Variants in HS3ST1 observed in about 807,000 individuals in gnomAD.
The protein encoded by HS3ST1 is heparan sulfate-glucosamine 3-sulfotransferase 1, also known as heparan sulfate glucosamine 3-O-sulfotransferase 1.
Under a neutral mutation model 20.7 loss-of-function variants are expected in HS3ST1, and 8 were observed. The observed-to-expected ratio is 0.39, with a 90% CI of 0.23 to 0.70. The LOEUF (loss-of-function observed/expected upper bound fraction) is 0.70, where lower values mean the gene tolerates loss of function less well. HS3ST1 is among the 30% of genes least tolerant of loss of function. The pLI is 0.46. For missense variants in HS3ST1, 436 were observed against 423.4 expected (o/e 1.03, Z -0.26); for synonymous variants, 205 against 190.4 (o/e 1.08, Z -0.63).
chr4:11,417,925 A>G (rs889410373), intron 1 of HS3ST1, among the ~76,000 whole-genome samples: 1 of 152,216 alleles, frequency 6.6e-6, no homozygotes, highest in Non-Finnish European at 1.5e-5. Context: ...CAGAGTTACC[A>G]TATTCGATTC....
chr4:11,394,606 T>G lies in HS3ST1; in HGVS notation c.*4476A>C, dbSNP rs1718088024. 6.6e-6 allele frequency: 1 copy of G among 152,242 alleles called. No individual in the cohort carries two copies. The highest frequency in any genetic ancestry group is 6.5e-5 in the Admixed American group (1 of 15,284). 9.4% of individuals were successfully genotyped at this position (152,242 alleles called of 1,614,324 possible). A position where few individuals can be genotyped will look rare whatever the true frequency, so the allele number is the denominator to read the frequency against. On this transcript the variant is annotated 3_prime_UTR_variant, in exon 2 of 2. Coordinates refer to ENST00000002596, the MANE Select transcript of HS3ST1 (RefSeq NM_005114.4). ...CTTGAAGGTAATCTTGATATCACCC[T>G]AACTGTCCAACTCCAAATCCTAGAT...
rs567561454 is a variant in HS3ST1, at chr4:11,395,359, A to T, written c.*3723T>A. The T allele has an allele frequency of 7.2e-5, 11 of 151,754 alleles. No individual in the cohort carries two copies. The highest frequency in any genetic ancestry group is 1.2e-4 in the Non-Finnish European group (8 of 67,976). The allele number at this position is 151,754 out of a possible 1,614,324, so 9.4% of individuals were successfully genotyped here. A position where few individuals can be genotyped will look rare whatever the true frequency, so the allele number is the denominator to read the frequency against. ...TTTTCACCTTCTTTTGTGATTTGTGATGTCAACATTTTCCATTTCTGGACT... is the reference window on the plus strand; with the variant it reads ...TTTTCACCTTCTTTTGTGATTTGTGTTGTCAACATTTTCCATTTCTGGACT... On this transcript the variant is annotated 3_prime_UTR_variant, in exon 2 of 2. Transcript: ENST00000002596.
Position 11,399,114 on chromosome 4 carries a change from C to G in HS3ST1, c.892G>C (p.Glu298Gln), listed in dbSNP as rs1034202294. 1 of 1,613,610 alleles carries G rather than the reference C, an allele frequency of 6.2e-7. No individual in the cohort carries two copies. Among genetic ancestry groups the G allele is most frequent in the Non-Finnish European group, 8.5e-7 (1 of 1,179,650 alleles). ...YFHEPNKKFF[E>Q]LVGRTFDWH ...CAGTCAAATGTTCTGCCAACAAGCTCGAAGAACTTCTTATTTGGCTCATGA... is the reference window on the plus strand; with the variant it reads ...CAGTCAAATGTTCTGCCAACAAGCTGGAAGAACTTCTTATTTGGCTCATGA... The change falls in exon 2 of 2, where the codon GAG becomes CAG. Residue 298 changes from glutamate (E) to glutamine (Q), a missense_variant. Physicochemically the swap from Glu to Gln is conservative, Grantham distance 29. Transcript: ENST00000002596. This position sits in a 1 kb window ranked among gnomAD's most constrained non-coding sequence, Gnocchi z 5.1.
rs1414348069 is a variant in HS3ST1 at position 11,397,139 on chromosome 4, C to G, written c.*1943G>C. On this transcript the variant is annotated 3_prime_UTR_variant, in exon 2 of 2. Coordinates refer to ENST00000002596, the MANE Select transcript of HS3ST1 (RefSeq NM_005114.4). ...TCAAGGAGTATGGTAAAAGCAAGAT[C>G]CAACGATGTGCTGCAGAGGGAGGCT... 1.3e-5 allele frequency: 2 copies of G among 152,256 alleles called. No individual in the cohort carries two copies. The highest frequency in any genetic ancestry group is 2.9e-5 in the Non-Finnish European group (2 of 68,074). The allele number at this position is 152,256 out of a possible 1,614,324, so 9.4% of individuals were successfully genotyped here.
At chr4:11,409,867 G>A (rs1718571332) in intron 1 of HS3ST1, among the ~76,000 whole-genome samples, 1 of 152,158 alleles carries the variant, frequency 6.6e-6, no homozygotes, top group African/African-American at 2.4e-5. Context: ...TCAGCTGTGT[G>A]TGTAGTTTGG....
At chr4:11,408,439 G>C (rs181402183) in intron 1 of HS3ST1, among the ~76,000 whole-genome samples, 4 of 152,294 alleles carry the variant, frequency 2.6e-5, no homozygotes, top group South Asian at 2.1e-4. Flanking sequence ...GACTCAACCA[G>C]ACAGAAGCTC....
At chr4:11,403,185 A>C (rs2108881478) in intron 1 of HS3ST1, among the ~76,000 whole-genome samples, 1 of 152,362 alleles carries the variant, frequency 6.6e-6, no homozygotes, top group East Asian at 1.9e-4. Context: ...GTATAAGTAC[A>C]TATGTGTTTG....
chr4:11,425,672 A>T (rs1243761422), intron 1 of HS3ST1, among the ~76,000 whole-genome samples: 5 of 152,138 alleles, frequency 3.3e-5, no homozygotes, highest in South Asian at 2.1e-4. Context: ...ATAAAACTTA[A>T]TTTTTTGTAT....
intron 1 of HS3ST1, among the ~76,000 whole-genome samples, chr4:11,407,809 G>A (rs771528340): frequency 1.6e-4 from 25 of 152,198 alleles, no homozygotes; most frequent in Non-Finnish European, 3.1e-4. Context: ...AATGCAAGAG[G>A]CCTGAGCAGA....
chr4:11,399,008 T>C lies in HS3ST1; in HGVS notation c.*74A>G. 2 of 1,320,210 alleles carry C rather than the reference T, an allele frequency of 1.5e-6. No individual in the cohort carries two copies. The highest frequency in any genetic ancestry group is 2.1e-6 in the Non-Finnish European group (2 of 959,848). 81.8% of individuals were successfully genotyped at this position (1,320,210 alleles called of 1,614,324 possible). Reference sequence around the variant, plus strand: ...AATAAATTATACCTTAAATGCTTTTTTAAAATTCTTTTTCCCCTCAGATGT... The same window carrying C: ...AATAAATTATACCTTAAATGCTTTTCTAAAATTCTTTTTCCCCTCAGATGT... On this transcript the variant is annotated 3_prime_UTR_variant, in exon 2 of 2. Transcript: ENST00000002596. The surrounding 1 kb of genome is among the most constrained non-coding windows in gnomAD (Gnocchi z 5.1).
At chr4:11,404,534 T>G (rs1156286002) in intron 1 of HS3ST1, among the ~76,000 whole-genome samples, 1 of 152,220 alleles carries the variant, frequency 6.6e-6, no homozygotes, top group African/African-American at 2.4e-5. Context: ...GAGAGGTCTT[T>G]AAGTGTGGAA....
chr4:11,404,079 C>T (rs1382713721), intron 1 of HS3ST1, among the ~76,000 whole-genome samples: 1 of 152,198 alleles, frequency 6.6e-6, no homozygotes, highest in Non-Finnish European at 1.5e-5. Context: ...GAGTCTTCCT[C>T]TGTCGCCCAG....
At chr4:11,428,446 T>G (rs1719123422) in intron 1 of HS3ST1, 1 of 152,344 alleles carries the variant, frequency 6.6e-6, no homozygotes, top group Non-Finnish European at 1.5e-5. Context: ...GTCAGAAATC[T>G]GGGTCCCTGT....
At chr4:11,429,643 CTTTTTTTTTTTTTTTTT>C (rs59403154), upstream of HS3ST1, 5 of 47,240 alleles carry the variant, frequency 1.1e-4, no homozygotes, top group Middle Eastern at 0.045. Flanking sequence ...GAAAATTCAG[CTTTTTTTTTTTTTTTTT>C]TTTTTTTTTT....
chr4:11,423,443 GCCTAAGGTTT>G (rs1363635099), intron 1 of HS3ST1, among the ~76,000 whole-genome samples: 1 of 152,208 alleles, frequency 6.6e-6, no homozygotes, highest in East Asian at 1.9e-4. Context: ...CTGGCTAACA[GCCTAAGGTTT>G]CTCCCCAGTA....
At position 11,397,817 on chromosome 4, in the gene HS3ST1, A is replaced by G. The variant is rs959887169; in HGVS notation, c.*1265T>C. The G allele has an allele frequency of 3.3e-5, 5 of 152,014 alleles. No homozygotes were observed. The highest frequency in any genetic ancestry group is 7.4e-5 in the Non-Finnish European group (5 of 68,000). The allele number at this position is 152,014 out of a possible 1,614,324, so 9.4% of individuals were successfully genotyped here. A position where few individuals can be genotyped will look rare whatever the true frequency, so the allele number is the denominator to read the frequency against. Reference sequence around the variant, plus strand: ...AAGCCGGTTTATTTTGCTTGTTTGTATTTTCTCTTTTACTGTAATGAATGT... The same window carrying G: ...AAGCCGGTTTATTTTGCTTGTTTGTGTTTTCTCTTTTACTGTAATGAATGT... On this transcript the variant is annotated 3_prime_UTR_variant, in exon 2 of 2. Coordinates refer to ENST00000002596, the MANE Select transcript of HS3ST1 (RefSeq NM_005114.4).
intron 1 of HS3ST1, among the ~76,000 whole-genome samples, chr4:11,402,983 A>G (rs1205117153): frequency 6.6e-6 from 1 of 152,252 alleles, no homozygotes; most frequent in Non-Finnish European, 1.5e-5. Flanking sequence ...TCCTTTCTAA[A>G]AATGTATTTA....
intron 1 of HS3ST1, among the ~76,000 whole-genome samples, chr4:11,401,925 G>C (rs748166027): frequency 2.8e-4 from 42 of 152,168 alleles, no homozygotes; most frequent in Non-Finnish European, 4.9e-4. Context: ...TGTGTTTCAC[G>C]CTATCCCCTA....
chr4:11,397,220 T>A lies in HS3ST1; in HGVS notation c.*1862A>T, dbSNP rs1310593049. On this transcript the variant is annotated 3_prime_UTR_variant, in exon 2 of 2. Coordinates refer to ENST00000002596, the MANE Select transcript of HS3ST1 (RefSeq NM_005114.4). Reference sequence around the variant, plus strand: ...AGGGGCCTGCTGTAAATATTTCTGCTACTTCCTCTGGGGGAGATGATGGCT... The same window carrying A: ...AGGGGCCTGCTGTAAATATTTCTGCAACTTCCTCTGGGGGAGATGATGGCT... 1 of 152,266 alleles carries A rather than the reference T, an allele frequency of 6.6e-6. No individual in the cohort carries two copies. Among genetic ancestry groups the A allele is most frequent in the Non-Finnish European group, 1.5e-5 (1 of 68,084 alleles). 9.4% of individuals were successfully genotyped at this position (152,266 alleles called of 1,614,324 possible).
Sources: gnomAD v4.1 joint callset for allele counts (sites outside exome capture counted in the v4.1 genomes callset) on GRCh38, gnomAD v4.1.1 for gene constraint, Gnocchi (gnomAD v3.1) non-coding constraint, MANE v1.5 for transcripts, NCBI Gene and HGNC (gene_info 2026-07-23, HGNC 2026-07-21) for gene names.